Variants in VEPH1 observed in about 807,000 individuals in gnomAD.
VEPH1 encodes the protein ventricular zone expressed PH domain containing 1, also known as ventricular zone-expressed PH domain-containing protein homolog 1.
A neutral mutation model predicts 85.2 loss-of-function variants in VEPH1; 80 were observed. The observed-to-expected ratio is 0.94, with a 90% CI of 0.78 to 1.13. The LOEUF is 1.13. Among genes scored for constraint, VEPH1 ranks in the 50% most tolerant of loss-of-function variants. VEPH1 has a pLI of 0.00. For synonymous variants in VEPH1, 297 were observed against 348.0 expected, an observed-to-expected ratio of 0.85 and a Z score of 1.63; for missense variants, 955 against 980.5, an observed-to-expected ratio of 0.97 and a Z score of 0.35.
chr3:157,465,774 G>A (rs1021416717), intron 3 of VEPH1, among the ~76,000 whole-genome samples: 1 of 152,190 alleles, frequency 6.6e-6, no homozygotes, highest in African/African-American at 2.4e-5. Flanking sequence ...TCTATAAAGA[G>A]GGAAAAGTAG....
At position 157,265,535 on chromosome 3, in the gene VEPH1, T is replaced by C; in HGVS notation, c.2256A>G (p.Lys752=). Residue 752 remains lysine, a synonymous_variant, in exon 13 of 14, where the codon AAA becomes AAG. Transcript: ENST00000362010. The part of the protein sequence containing the change: ...TLAGNQLLFQ[K]GKSKDDPDDC... Reference sequence around the variant, plus strand: ...TGATGGAGGAACTTACAGACTTTCCTTTTTGAAACAGAAGTTGATTTCCAG... The same window carrying C: ...TGATGGAGGAACTTACAGACTTTCCCTTTTGAAACAGAAGTTGATTTCCAG... The C allele has an allele frequency of 6.2e-7, 1 of 1,612,478 alleles. No individual in the cohort carries two copies. Among genetic ancestry groups the C allele is most frequent in the Non-Finnish European group, 8.5e-7 (1 of 1,178,998 alleles).
At chr3:157,305,171 G>A (rs1188835346) in intron 11 of VEPH1, among the ~76,000 whole-genome samples, 1 of 138,432 alleles carries the variant, frequency 7.2e-6, no homozygotes, top group Non-Finnish European at 1.5e-5. Context: ...GTGCAGTGGC[G>A]GGATCTCGGC....
chr3:157,323,248 A>G (rs1312083048), intron 9 of VEPH1, among the ~76,000 whole-genome samples: 1 of 152,240 alleles, frequency 6.6e-6, no homozygotes, highest in Non-Finnish European at 1.5e-5. Flanking sequence ...ACAAAATTAG[A>G]TTCTCAAAAA....
intron 12 of VEPH1, among the ~76,000 whole-genome samples, chr3:157,267,340 A>G (rs1713840362): frequency 6.6e-6 from 1 of 150,704 alleles, no homozygotes; most frequent in African/African-American, 2.4e-5. Flanking sequence ...CAGGTGATCC[A>G]TCCACCCTGG....
In VEPH1 at chr3:157,385,971, A is replaced by C. The variant is rs557401817; in HGVS notation, c.907-4595T>G. ...GATGCATTTCATTATATAATATAAA[A>C]AACATTGCATTCACTATTTTCACCA... On this transcript the variant is annotated intron_variant, in intron 6 of 13. Coordinates refer to ENST00000362010, the MANE Select transcript of VEPH1 (RefSeq NM_001167912.2). 2.8e-4 allele frequency among the ~76,000 whole-genome samples: 42 copies of C among 152,192 alleles called. 1 individual carries two copies. Among genetic ancestry groups the C allele is most frequent in the Non-Finnish European group, 7.3e-5 (5 of 68,030 alleles).
At chr3:157,296,189 A>G (rs1718109548) in intron 11 of VEPH1, among the ~76,000 whole-genome samples, 1 of 152,252 alleles carries the variant, frequency 6.6e-6, no homozygotes, top group Admixed American at 6.5e-5. Flanking sequence ...CCTCAGGAGA[A>G]TATTTACAAC....
At chr3:157,477,531 A>G (rs570122304) in intron 2 of VEPH1, among the ~76,000 whole-genome samples, 11 of 152,242 alleles carry the variant, frequency 7.2e-5, no homozygotes, top group African/African-American at 2.4e-4. Context: ...ATGCATACCA[A>G]TTGCAGCCTT....
At chr3:157,366,691 C>T (rs527809804) in intron 7 of VEPH1, among the ~76,000 whole-genome samples, 17 of 152,090 alleles carry the variant, frequency 1.1e-4, no homozygotes, top group East Asian at 1.9e-4. Context: ...GCAGAGATCG[C>T]GCCATTGCAC....
At chr3:157,378,306 GTATATATATATATATATA>G (rs56800722) in intron 7 of VEPH1, among the ~76,000 whole-genome samples, 1,742 of 94,538 alleles carry the variant, frequency 0.018, 53 homozygotes, top group Admixed American at 0.076. Flanking sequence ...TTTTTGAATG[GTATATATATATATATATA>G]TATATATATA....
rs1296603114 is a variant in VEPH1, at chr3:157,363,353, A to G, written c.1735+11T>C. ...GAAGTTTCTCAGGTTTGGGAAGTAC[A>G]CAACACTTACCTTCAATGGTACACT... On this transcript the variant is annotated intron_variant, in intron 9 of 13. Coordinates refer to ENST00000362010, the MANE Select transcript of VEPH1 (RefSeq NM_001167912.2). The G allele has an allele frequency of 1.3e-6, 2 of 1,574,150 alleles. No homozygotes were observed. The highest frequency in any genetic ancestry group is 2.8e-5 in the African/African-American group (2 of 72,614).
intron 5 of VEPH1, among the ~76,000 whole-genome samples, chr3:157,427,803 A>C (rs914843920): frequency 6.6e-6 from 1 of 152,220 alleles, no homozygotes; most frequent in Non-Finnish European, 1.5e-5. Flanking sequence ...TGGGGCACCC[A>C]GATATTTGAT....
intron 9 of VEPH1, among the ~76,000 whole-genome samples, chr3:157,331,009 G>A (rs192304241): frequency 5.3e-5 from 8 of 152,268 alleles, no homozygotes; most frequent in South Asian, 4.1e-4. Context: ...TCTCCTATCC[G>A]GAGATTGGCC....
intron 11 of VEPH1, among the ~76,000 whole-genome samples, chr3:157,303,598 C>T (rs552945474): frequency 1.3e-5 from 2 of 152,312 alleles, no homozygotes; most frequent in Non-Finnish European, 2.9e-5. Context: ...CAGCCAGCTC[C>T]CTGCCTGAGC....
chr3:157,294,971 A>G (rs947855740), intron 11 of VEPH1, among the ~76,000 whole-genome samples: 1 of 152,176 alleles, frequency 6.6e-6, no homozygotes, highest in African/African-American at 2.4e-5. Context: ...GTTTATTTAC[A>G]TTCTAAAGGG....
intron 9 of VEPH1, among the ~76,000 whole-genome samples, chr3:157,361,100 T>C (rs976933583): frequency 7.2e-5 from 11 of 152,212 alleles, no homozygotes; most frequent in Non-Finnish European, 1.5e-4. Flanking sequence ...ACTTGTGCAA[T>C]AGATACACAG....
At chr3:157,360,229 C>A (rs944308028) in intron 9 of VEPH1, among the ~76,000 whole-genome samples, 3 of 152,156 alleles carry the variant, frequency 2.0e-5, no homozygotes, top group Admixed American at 1.3e-4. Flanking sequence ...AATGTGTCCC[C>A]TGCAATCAGC....
chr3:157,407,328 T>C (rs965533442), intron 6 of VEPH1, among the ~76,000 whole-genome samples: 1 of 152,188 alleles, frequency 6.6e-6, no homozygotes, highest in Admixed American at 6.5e-5. Flanking sequence ...CCACCTACCC[T>C]TTATGGAAAG....
intron 4 of VEPH1, chr3:157,437,101 T>A: frequency 6.2e-7 from 1 of 1,605,188 alleles, no homozygotes; most frequent in Non-Finnish European, 8.5e-7. Flanking sequence ...TAACCCTGAC[T>A]ACATATCCAC....
intron 9 of VEPH1, among the ~76,000 whole-genome samples, chr3:157,336,270 C>T (rs780801905): frequency 7.2e-5 from 11 of 152,160 alleles, no homozygotes; most frequent in Non-Finnish European, 1.3e-4. Context: ...GGGCCCCTTT[C>T]CCCCAAAACC....
Sources: gnomAD v4.1 joint callset for allele counts (sites outside exome capture counted in the v4.1 genomes callset) on GRCh38, gnomAD v4.1.1 for gene constraint, MANE v1.5 for transcripts, NCBI Gene and HGNC (gene_info 2026-07-23, HGNC 2026-07-21) for gene names.